The following FRMD3 variants were observed in gnomAD, a reference collection of about 807,000 sequenced individuals.
FRMD3 encodes FERM domain containing 3, also known as FERM domain-containing protein 3.
FRMD3 carries 33 observed loss-of-function variants against 70.2 expected under a neutral mutation model. That is an observed-to-expected ratio of 0.47 (90% CI 0.36 to 0.63). The LOEUF (loss-of-function observed/expected upper bound fraction) is 0.63, where lower values mean the gene tolerates loss of function less well. Ranked by LOEUF, FRMD3 falls within the 20% of genes least tolerant of loss-of-function variation. The probability of loss-of-function intolerance (pLI) is 0.00; values close to 1 mark genes in which losing one functional copy is unlikely to be tolerated. For missense variants in FRMD3, 632 were observed against 711.4 expected, an observed-to-expected ratio of 0.89 and a Z score of 1.27; for synonymous variants, 279 against 255.9, an observed-to-expected ratio of 1.09 and a Z score of -0.86.
intron 2 of FRMD3, among the ~76,000 whole-genome samples, chr9:83,374,835 T>A (rs1050706945): frequency 1.2e-4 from 18 of 152,180 alleles, no homozygotes; most frequent in African/African-American, 3.9e-4. Flanking sequence ...AGGCCCCTGG[T>A]GGTTAAATTA....
chr9:83,573,837 T>A, the FRMD3 span, among the ~76,000 whole-genome samples: 1 of 151,558 alleles, frequency 6.6e-6, no homozygotes, highest in African/African-American at 2.4e-5. Flanking sequence ...ACTAAACTGA[T>A]GAAATAGTAA....
intron 1 of FRMD3, among the ~76,000 whole-genome samples, chr9:83,535,612 T>C (rs1468064743): frequency 7.9e-6 from 1 of 127,142 alleles, no homozygotes; most frequent in Non-Finnish European, 1.8e-5. Flanking sequence ...TATGAGACTT[T>C]TTGTGATTTT....
At chr9:83,302,437 T>C (rs1236256758) in intron 10 of FRMD3, among the ~76,000 whole-genome samples, 5 of 152,188 alleles carry the variant, frequency 3.3e-5, no homozygotes, top group Non-Finnish European at 5.9e-5. Context: ...GTGACCTTGG[T>C]CATGCCATGT....
chr9:83,509,733 G>A (rs183322727), intron 1 of FRMD3, among the ~76,000 whole-genome samples: 2 of 152,268 alleles, frequency 1.3e-5, no homozygotes, highest in Admixed American at 1.3e-4. Context: ...ACTACTGCAT[G>A]TGAATCTACA....
intron 1 of FRMD3, among the ~76,000 whole-genome samples, chr9:83,438,976 C>G (rs1827219466): frequency 6.6e-6 from 1 of 152,158 alleles, no homozygotes; most frequent in Non-Finnish European, 1.5e-5. Context: ...GGCCTGAAAA[C>G]CCTCACCTCT....
chr9:83,436,775 C>G (rs1410132932), intron 1 of FRMD3, among the ~76,000 whole-genome samples: 4 of 90,908 alleles, frequency 4.4e-5, no homozygotes, highest in African/African-American at 1.8e-4. Flanking sequence ...CAACCTGGAC[C>G]AAGGGGAAAA....
At chr9:83,359,788 C>T (rs1055384673) in intron 3 of FRMD3, among the ~76,000 whole-genome samples, 5 of 152,032 alleles carry the variant, frequency 3.3e-5, no homozygotes, top group Admixed American at 2.0e-4. Flanking sequence ...TGCGACCCGT[C>T]GTAGAGACCA....
At chr9:83,276,491 T>C (rs1327840722) in intron 13 of FRMD3, 1 of 152,214 alleles carries the variant, frequency 6.6e-6, no homozygotes, top group Non-Finnish European at 1.5e-5. Flanking sequence ...TGTCTCCCTG[T>C]GGAAAAACCC....
the FRMD3 span, among the ~76,000 whole-genome samples, chr9:83,546,823 C>T: frequency 1.5e-5 from 2 of 137,326 alleles, no homozygotes; most frequent in African/African-American, 2.8e-5. Flanking sequence ...ACCCAGGAGG[C>T]GGAGGTTGCA....
intron 1 of FRMD3, among the ~76,000 whole-genome samples, chr9:83,498,011 G>A (rs1475856260): frequency 1.3e-5 from 2 of 152,076 alleles, no homozygotes; most frequent in African/African-American, 4.8e-5. Flanking sequence ...AGCCAGGCAT[G>A]GTGGTGGGCA....
downstream of FRMD3, chr9:83,243,208 C>CA: frequency 1.9e-6 from 3 of 1,550,308 alleles, no homozygotes. Context: ...CTGTTTACTG[C>CA]ATGGAGACTG....
the FRMD3 span, among the ~76,000 whole-genome samples, chr9:83,557,933 C>G: frequency 1.3e-5 from 2 of 152,080 alleles, no homozygotes; most frequent in Non-Finnish European, 2.9e-5. Context: ...GCCTATGGCT[C>G]TAAATTGCAC....
intron 13 of FRMD3, among the ~76,000 whole-genome samples, chr9:83,250,623 GA>G (rs1832361302): frequency 6.6e-6 from 1 of 152,178 alleles, no homozygotes; most frequent in Non-Finnish European, 1.5e-5. Flanking sequence ...TGGGGAAAGG[GA>G]TGGCTACCAT....
chr9:83,434,728 G>C (rs767914325), intron 1 of FRMD3, among the ~76,000 whole-genome samples: 1 of 151,188 alleles, frequency 6.6e-6, no homozygotes, highest in Non-Finnish European at 1.5e-5. Flanking sequence ...GTTGTAACAT[G>C]ATCAGAAATG....
intron 1 of FRMD3, among the ~76,000 whole-genome samples, chr9:83,509,289 C>T (rs1564110112): frequency 6.6e-6 from 1 of 152,192 alleles, no homozygotes; most frequent in Non-Finnish European, 1.5e-5. Context: ...AGCTCATTTA[C>T]ATTCTTTGCC....
intron 1 of FRMD3, among the ~76,000 whole-genome samples, chr9:83,404,262 G>A (rs993500576): frequency 1.3e-5 from 2 of 152,184 alleles, no homozygotes; most frequent in Non-Finnish European, 2.9e-5. Flanking sequence ...AACTCAAGCT[G>A]AGGGTGTTTC....
At chr9:83,319,748 C>T (rs1291431074) in intron 6 of FRMD3, among the ~76,000 whole-genome samples, 1 of 152,136 alleles carries the variant, frequency 6.6e-6, no homozygotes, top group Non-Finnish European at 1.5e-5. Context: ...GTGAATGGGT[C>T]ACATGAGATC....
intron 1 of FRMD3, among the ~76,000 whole-genome samples, chr9:83,431,042 C>A (rs995954216): frequency 6.6e-6 from 1 of 152,256 alleles, no homozygotes; most frequent in African/African-American, 2.4e-5. Context: ...ATAGGCAAAG[C>A]ATGTCCAGCA....
intron 1 of FRMD3, among the ~76,000 whole-genome samples, chr9:83,506,576 G>A (rs1829187404): frequency 6.6e-6 from 1 of 152,184 alleles, no homozygotes. Flanking sequence ...CACTTACCAT[G>A]AATGGAGCTT....
Sources: gnomAD v4.1 joint callset for allele counts (sites outside exome capture counted in the v4.1 genomes callset) on GRCh38, gnomAD v4.1.1 for gene constraint, MANE v1.5 for transcripts, NCBI Gene and HGNC (gene_info 2026-07-23, HGNC 2026-07-21) for gene names.